Variants in FSIP2 observed in about 807,000 individuals in gnomAD.
The protein encoded by FSIP2 is fibrous sheath interacting protein 2.
In FSIP2, 367 loss-of-function variants were observed where a neutral mutation model predicts 510.5. The observed-to-expected ratio is 0.72, with a 90% CI of 0.66 to 0.78. FSIP2 has a LOEUF of 0.78. FSIP2 is among the 30% of genes least tolerant of loss of function. The probability of loss-of-function intolerance (pLI) is 0.00; values close to 1 mark genes in which losing one functional copy is unlikely to be tolerated. For missense variants in FSIP2, 7,594 were observed against 7,901.7 expected (o/e 0.96, Z 1.48); for synonymous variants, 2,601 against 2,732.2 (o/e 0.95, Z 1.50).
chr2:185,769,051 AT>A (rs1692554345), intron 13 of FSIP2, among the ~76,000 whole-genome samples: 1 of 152,180 alleles, frequency 6.6e-6, no homozygotes, highest in Non-Finnish European at 1.5e-5. Flanking sequence ...ATTTAGGTTG[AT>A]TCCATGTCTT....
At chr2:185,782,613 T>C (rs1380763114) in intron 13 of FSIP2, 92 bp from the exon 14 acceptor site, 11 of 768,916 alleles carry the variant, frequency 1.4e-5, no homozygotes. Context: ...GAGGCAGTGA[T>C]AACAGAAAAT....
At position 185,800,928 on chromosome 2, in the gene FSIP2, C is replaced by T; in HGVS notation, c.11622C>T (p.Asn3874=). Residue 3874 remains asparagine, a synonymous_variant, in exon 17 of 23, where the codon AAC becomes AAT. Coordinates refer to ENST00000424728, the MANE Select transcript of FSIP2 (RefSeq NM_173651.4). The part of the protein sequence containing the change: ...ESLPFANKHL[N]YRTREIQSSF... ...TACCTTTTGCAAATAAGCATTTGAA[C>T]TACAGAACAAGAGAAATACAGTCTA... 6.5e-7 allele frequency: 1 copy of T among 1,531,632 alleles called. No individual in the cohort carries two copies. The highest frequency in any genetic ancestry group is 8.7e-7 in the Non-Finnish European group (1 of 1,144,258). The allele number at this position is 1,531,632 out of a possible 1,614,324, so 94.9% of individuals were successfully genotyped here.
chr2:185,784,744 A>T (rs1407596625), intron 14 of FSIP2, among the ~76,000 whole-genome samples: 3 of 152,042 alleles, frequency 2.0e-5, no homozygotes, highest in Non-Finnish European at 4.4e-5. Flanking sequence ...CACTGCTATT[A>T]CCTAGATTCA....
At chr2:185,746,148 A>G (rs890526090) in intron 5 of FSIP2, among the ~76,000 whole-genome samples, 14 of 152,054 alleles carry the variant, frequency 9.2e-5, no homozygotes, top group African/African-American at 3.4e-4. Context: ...TATTCATTCC[A>G]TGGTTTCATT....
rs1325789482 is a variant in FSIP2 at position 185,796,244 on chromosome 2, CA to C, written c.9115del (p.Met3039CysfsTer8). ...LSSIQQKLLNKKMLPKLQPLK... is the reference protein window; with the variant it reads ...LSSIQQKLLNXKMLPKLQPLK... ...CTTCTATCCAACAGAAACTGTTAAACAAAAAAATGTTGCCAAAATTACAACC... is the reference window on the plus strand; with the variant it reads ...CTTCTATCCAACAGAAACTGTTAAACAAAAAATGTTGCCAAAATTACAACC... On this transcript the variant is annotated frameshift_variant, in exon 16 of 23. Coordinates refer to ENST00000424728, the MANE Select transcript of FSIP2 (RefSeq NM_173651.4). LOFTEE classifies it high-confidence loss of function. 1.3e-6 allele frequency: 2 copies of C among 1,530,100 alleles called. No individual in the cohort carries two copies. The highest frequency in any genetic ancestry group is 4.9e-5 in the East Asian group (2 of 40,784). The allele number at this position is 1,530,100 out of a possible 1,614,324, so 94.8% of individuals were successfully genotyped here. A position where few individuals can be genotyped will look rare whatever the true frequency, so the allele number is the denominator to read the frequency against.
Position 185,796,609 on chromosome 2 carries a change from T to C in FSIP2, c.9473T>C (p.Val3158Ala). Residue 3158 changes from valine to alanine, a missense_variant, in exon 16 of 23, where the codon GTT becomes GCT. Physicochemically the swap from Val to Ala is moderately conservative, Grantham distance 64 (BLOSUM62 0). Coordinates refer to ENST00000424728, the MANE Select transcript of FSIP2 (RefSeq NM_173651.4). ...GAAAATGCCTACACTGTTAATCAGG[T>C]TGAATTAGCAACTAATATGAAAATG... ...GAENAYTVNQVELATNMKMFT... is the reference protein window; with the variant it reads ...GAENAYTVNQAELATNMKMFT... 1 of 1,535,102 alleles carries C rather than the reference T, an allele frequency of 6.5e-7. No individual in the cohort carries two copies. Among genetic ancestry groups the C allele is most frequent in the Non-Finnish European group, 8.7e-7 (1 of 1,146,268 alleles).
In FSIP2 at chr2:185,801,280, T is replaced by A; in HGVS notation, c.11974T>A (p.Trp3992Arg). 1 of 1,533,856 alleles carries A rather than the reference T, an allele frequency of 6.5e-7. No homozygotes were observed. Among genetic ancestry groups the A allele is most frequent in the Non-Finnish European group, 8.7e-7 (1 of 1,145,440 alleles). Residue 3992 changes from tryptophan to arginine, a missense_variant, in exon 17 of 23, where the codon TGG (tryptophan) becomes AGG (arginine). Coordinates refer to ENST00000424728, the MANE Select transcript of FSIP2 (RefSeq NM_173651.4). The stretch of plus-strand genomic sequence containing the variant: ...GTTTTTTAATCTCTCTATGTCATTG[T>A]GGGGCAAAAATAAAAACATCACTGT... The part of the protein sequence containing the change: ...ELFFNLSMSL[W>R]GKNKNITVSW...
Position 185,808,469 on chromosome 2 carries a change from T to G in FSIP2, c.19163T>G (p.Leu6388Trp). The G allele has an allele frequency of 5.6e-6, 9 of 1,606,900 alleles. No individual in the cohort carries two copies. Among genetic ancestry groups the G allele is most frequent in the Non-Finnish European group, 7.6e-6 (9 of 1,177,726 alleles). Reference protein sequence around the residue: ...LNKIASQLSKLVTAEISRSSI... With the variant: ...LNKIASQLSKWVTAEISRSSI... ...AAAATTGCATCTCAACTGTCAAAAT[T>G]GGTAACAGCTGAAATTTCCAGAAGT... is the stretch of plus-strand genomic sequence containing the variant. The change falls in exon 17 of 23, where the codon TTG becomes TGG. Residue 6388 changes from leucine to tryptophan, a missense_variant. By Grantham distance (61) the Leu-to-Trp change is moderately conservative (BLOSUM62 -2). Coordinates refer to ENST00000424728, the MANE Select transcript of FSIP2 (RefSeq NM_173651.4).
chr2:185,786,204 A>G (rs1692970217), intron 14 of FSIP2, 48 bp from the exon 15 acceptor site: 1 of 1,265,744 alleles, frequency 7.9e-7, no homozygotes, highest in East Asian at 2.6e-5. Flanking sequence ...AAAGTTTTAT[A>G]AATTTTTGAC....
chr2:185,777,689 T>A (rs759954995), intron 13 of FSIP2, among the ~76,000 whole-genome samples: 40 of 152,258 alleles, frequency 2.6e-4, no homozygotes, highest in Non-Finnish European at 4.9e-4. Flanking sequence ...TGGCCACACA[T>A]CCTTGATTAA....
At chr2:185,738,422 C>T (rs1194198857), upstream of FSIP2, 4 of 601,928 alleles carry the variant, frequency 6.6e-6, no homozygotes, top group Non-Finnish European at 1.2e-5. Context: ...CCTTGTGGAC[C>T]TGGTGTGGGA....
At position 185,756,290 on chromosome 2, in the gene FSIP2, T is replaced by C. The variant is rs1420040903; in HGVS notation, c.1078+12T>C. On this transcript the variant is annotated intron_variant, in intron 9 of 22. Coordinates refer to ENST00000424728, the MANE Select transcript of FSIP2 (RefSeq NM_173651.4). The stretch of plus-strand genomic sequence containing the variant: ...TAAAGAAACACATGGTAATTGAATA[T>C]TGTGACAAGAAACACTAGATACTAA... The C allele has an allele frequency of 1.0e-5, 11 of 1,072,516 alleles. No homozygotes were observed. Among genetic ancestry groups the C allele is most frequent in the African/African-American group, 1.6e-5 (1 of 62,266 alleles). 66.4% of individuals were successfully genotyped at this position (1,072,516 alleles called of 1,614,324 possible).
chr2:185,760,866 G>T, intron 9 of FSIP2, 122 bp from the exon 10 acceptor site: 1 of 507,854 alleles, frequency 2.0e-6, no homozygotes, highest in South Asian at 3.2e-5. Context: ...TTCACAGTTG[G>T]ATACATATTT....
intron 20 of FSIP2, among the ~76,000 whole-genome samples, chr2:185,826,585 T>C (rs866449417): frequency 2.6e-4 from 40 of 151,916 alleles, no homozygotes; most frequent in Middle Eastern, 3.4e-3. Flanking sequence ...GTTCTTTGCT[T>C]TACTGGATAA....
intron 19 of FSIP2, among the ~76,000 whole-genome samples, chr2:185,818,508 C>T (rs1173806648): frequency 6.6e-6 from 1 of 151,770 alleles, no homozygotes; most frequent in Non-Finnish European, 1.5e-5. Flanking sequence ...ACAAAAATAT[C>T]ATATCAAGAC....
Position 185,792,253 on chromosome 2 carries a change from A to G in FSIP2, c.5117A>G (p.Glu1706Gly), listed in dbSNP as rs1693153701. The change falls in exon 16 of 23, where the codon GAA becomes GGA. Residue 1706 changes from glutamate (E) to glycine (G), a missense_variant. Coordinates refer to ENST00000424728, the MANE Select transcript of FSIP2 (RefSeq NM_173651.4). ...NEMESEGGGI[E>G]TYRYRPTYGS... The stretch of plus-strand genomic sequence containing the variant: ...ATGGAATCTGAAGGGGGAGGCATTG[A>G]AACTTATCGATACAGGCCAACATAT... 6.5e-7 allele frequency: 1 copy of G among 1,533,296 alleles called. No individual in the cohort carries two copies. The highest frequency in any genetic ancestry group is 1.4e-5 in the African/African-American group (1 of 72,806). 95.0% of individuals were successfully genotyped at this position (1,533,296 alleles called of 1,614,324 possible). A position where few individuals can be genotyped will look rare whatever the true frequency, so the allele number is the denominator to read the frequency against.
upstream of FSIP2, among the ~76,000 whole-genome samples, chr2:185,737,494 C>T (rs1209627624): frequency 2.0e-5 from 3 of 151,978 alleles, no homozygotes; most frequent in Admixed American, 6.5e-5. Context: ...GCGGCTTAAC[C>T]GGGAGAGTAA....
chr2:185,795,651 A>C lies in FSIP2; in HGVS notation c.8515A>C (p.Lys2839Gln), dbSNP rs1276968290. The change falls in exon 16 of 23, where the codon AAA becomes CAA. Residue 2839 changes from lysine (K) to glutamine (Q), a missense_variant. Coordinates refer to ENST00000424728, the MANE Select transcript of FSIP2 (RefSeq NM_173651.4). ...TTTTCCTAGAGAAGGTATATTTAAA[A>C]AATTGTTTGACAAGTGGCAAACAGA... Reference protein sequence around the residue: ...HIFPREGIFKKLFDKWQTESN... With the variant: ...HIFPREGIFKQLFDKWQTESN... 6.5e-7 allele frequency: 1 copy of C among 1,534,486 alleles called. No individual in the cohort carries two copies.
intron 5 of FSIP2, among the ~76,000 whole-genome samples, chr2:185,746,103 A>G (rs924654626): frequency 6.6e-6 from 1 of 152,070 alleles, no homozygotes; most frequent in African/African-American, 2.4e-5. Flanking sequence ...GGGATGCAGT[A>G]AGGAATTGGG....
Sources: gnomAD v4.1 joint callset for allele counts (sites outside exome capture counted in the v4.1 genomes callset) on GRCh38, gnomAD v4.1.1 for gene constraint, MANE v1.5 for transcripts, NCBI Gene and HGNC (gene_info 2026-07-23, HGNC 2026-07-21) for gene names.